SMARCC1: variants seen among roughly 807,000 people sequenced by gnomAD.
SMARCC1 encodes SWI/SNF related BAF chromatin remodeling complex subunit C1, also known as SWI/SNF complex subunit SMARCC1.
SMARCC1 carries 43 observed loss-of-function variants against 147.4 expected under a neutral mutation model. The ratio of observed to expected loss-of-function variants is 0.29; its 90% CI spans 0.23 to 0.38. SMARCC1 has a LOEUF of 0.38. SMARCC1 is among the 10% of genes least tolerant of loss of function. SMARCC1 has a pLI of 1.00. For synonymous variants in SMARCC1, 495 were observed against 484.4 expected, an observed-to-expected ratio of 1.02 and a Z score of -0.29; for missense variants, 1,119 against 1,381.1, an observed-to-expected ratio of 0.81 and a Z score of 3.01.
intron 21 of SMARCC1, among the ~76,000 whole-genome samples, chr3:47,647,181 A>T (rs781129443): frequency 6.6e-6 from 1 of 152,214 alleles, no homozygotes; most frequent in Non-Finnish European, 1.5e-5. Flanking sequence ...GTCTTGATTT[A>T]TATTACAGAT....
chr3:47,676,596 T>C (rs776053220), intron 17 of SMARCC1, 33 bp downstream of exon 17: 16 of 1,586,192 alleles, frequency 1.0e-5, no homozygotes, highest in South Asian at 2.2e-5. Context: ...TTTGTTACTA[T>C]CCAGGTCTGA....
intron 21 of SMARCC1, among the ~76,000 whole-genome samples, chr3:47,659,248 A>G (rs1359974340): frequency 6.6e-6 from 1 of 151,184 alleles, no homozygotes; most frequent in Admixed American, 6.6e-5. Context: ...TGCTCCTCAA[A>G]CTTTTCTAAA....
intron 9 of SMARCC1, among the ~76,000 whole-genome samples, chr3:47,708,192 C>T (rs1259980940): frequency 7.5e-6 from 1 of 133,618 alleles, no homozygotes; most frequent in Non-Finnish European, 1.5e-5. Flanking sequence ...CTCCACTACC[C>T]AAATTCAAGT....
At chr3:47,713,780 G>A (rs9867962) in intron 8 of SMARCC1, among the ~76,000 whole-genome samples, 2,544 of 152,226 alleles carry the variant, frequency 0.017, 64 homozygotes, top group African/African-American at 0.049. Flanking sequence ...AAGTAAGTCT[G>A]TATCATTCTA....
chr3:47,625,075 T>A (rs551855197), intron 24 of SMARCC1, among the ~76,000 whole-genome samples: 2 of 151,340 alleles, frequency 1.3e-5, no homozygotes, highest in African/African-American at 2.4e-5. Flanking sequence ...CTGGTAAAAA[T>A]TGATAACCAA....
chr3:47,677,915 C>G (rs112047153), intron 16 of SMARCC1, among the ~76,000 whole-genome samples: 3 of 151,950 alleles, frequency 2.0e-5, no homozygotes, highest in Non-Finnish European at 4.4e-5. Flanking sequence ...CTTCGGGAGG[C>G]GGAGGCAGGA....
At chr3:47,699,639 T>G (rs971286034) in intron 11 of SMARCC1, among the ~76,000 whole-genome samples, 4 of 152,156 alleles carry the variant, frequency 2.6e-5, no homozygotes, top group Non-Finnish European at 4.4e-5. Flanking sequence ...TATATACATA[T>G]GTATATTGCC....
At chr3:47,666,190 A>G (rs911478081) in intron 19 of SMARCC1, among the ~76,000 whole-genome samples, 1 of 152,166 alleles carries the variant, frequency 6.6e-6, no homozygotes, top group Non-Finnish European at 1.5e-5. Flanking sequence ...TATTGTGCCT[A>G]TGAACCATTT....
chr3:47,733,058 G>A (rs1164690210), intron 5 of SMARCC1, among the ~76,000 whole-genome samples: 1 of 150,866 alleles, frequency 6.6e-6, no homozygotes, highest in East Asian at 2.0e-4. Context: ...AGTGAGCCGA[G>A]ATCACACCAC....
intron 3 of SMARCC1, among the ~76,000 whole-genome samples, chr3:47,743,911 ATCC>A: frequency 6.6e-6 from 1 of 152,240 alleles, no homozygotes; most frequent in Admixed American, 6.6e-5. Flanking sequence ...TTGGTATTCT[ATCC>A]TCAAGTGTCC....
intron 9 of SMARCC1, 88 bp downstream of exon 9, chr3:47,710,595 T>C: frequency 7.5e-7 from 1 of 1,326,362 alleles, no homozygotes; most frequent in East Asian, 2.5e-5. Flanking sequence ...CTAAGTGGTT[T>C]GTATATGACA....
intron 2 of SMARCC1, among the ~76,000 whole-genome samples, chr3:47,771,608 G>A (rs2034915164): frequency 6.6e-6 from 1 of 151,894 alleles, no homozygotes; most frequent in Non-Finnish European, 1.5e-5. Context: ...GGTGCGGTGG[G>A]TGGTGCATGC....
intron 22 of SMARCC1, among the ~76,000 whole-genome samples, chr3:47,638,382 G>A (rs984724604): frequency 6.6e-5 from 10 of 151,978 alleles, no homozygotes; most frequent in Non-Finnish European, 1.5e-4. Flanking sequence ...GTGAGCCACC[G>A]CGCCCAGCCA....
chr3:47,624,197 A>AT (rs2032775611), intron 24 of SMARCC1, among the ~76,000 whole-genome samples: 1 of 152,086 alleles, frequency 6.6e-6, no homozygotes, highest in Non-Finnish European at 1.5e-5. Context: ...AGGCTGAGGC[A>AT]TAAGAATCGC....
intron 12 of SMARCC1, among the ~76,000 whole-genome samples, chr3:47,690,664 C>T (rs909145187): frequency 6.6e-6 from 1 of 152,142 alleles, no homozygotes; most frequent in Admixed American, 6.5e-5. Context: ...GTTACTGAAC[C>T]TCTTTAAATC....
intron 14 of SMARCC1, among the ~76,000 whole-genome samples, chr3:47,682,635 A>C (rs1451657744): frequency 6.6e-6 from 1 of 152,192 alleles, no homozygotes; most frequent in African/African-American, 2.4e-5. Flanking sequence ...CGAGTTTTAA[A>C]GTTTGTCAAT....
intron 26 of SMARCC1, among the ~76,000 whole-genome samples, chr3:47,596,607 G>GAAT (rs1414240972): frequency 1.2e-4 from 18 of 151,258 alleles, no homozygotes; most frequent in Non-Finnish European, 2.4e-4. Context: ...AGAAGAAGAA[G>GAAT]AAAAAAGATG....
chr3:47,609,983 C>G, intron 26 of SMARCC1, 83 bp downstream of exon 26: 1 of 1,456,252 alleles, frequency 6.9e-7, no homozygotes. Flanking sequence ...TCAGAAAACA[C>G]CAACTGTGTG....
At chr3:47,679,144 A>G (rs1347934455) in intron 15 of SMARCC1, among the ~76,000 whole-genome samples, 2 of 152,010 alleles carry the variant, frequency 1.3e-5, no homozygotes, top group Non-Finnish European at 2.9e-5. Flanking sequence ...GCACACAAAG[A>G]AAACAAAATG....
Sources: allele counts gnomAD v4.1 joint callset (sites outside exome capture counted in the v4.1 genomes callset), GRCh38; gene constraint gnomAD v4.1.1; transcripts MANE v1.5; gene names NCBI Gene and HGNC (gene_info 2026-07-23, HGNC 2026-07-21).